The following ZNF496 variants were observed in gnomAD, a reference collection of about 807,000 sequenced individuals.
ZNF496 encodes zinc finger protein 496.
Under a neutral mutation model 58.9 loss-of-function variants are expected in ZNF496, and 11 were observed. That is an observed-to-expected ratio of 0.19 (90% CI 0.12 to 0.31). ZNF496 has a LOEUF of 0.31. Ranked by LOEUF, ZNF496 falls within the 10% of genes least tolerant of loss-of-function variation. ZNF496 has a pLI of 1.00. For missense variants in ZNF496, 660 were observed against 783.0 expected, an observed-to-expected ratio of 0.84 and a Z score of 1.88; for synonymous variants, 338 against 318.2, an observed-to-expected ratio of 1.06 and a Z score of -0.66.
chr1:247,323,007 T>C, intron 6 of ZNF496, 147 bp downstream of exon 6: 1 of 722,890 alleles, frequency 1.4e-6, no homozygotes, highest in Non-Finnish European at 2.3e-6. Context: ...TCTCTTAAGC[T>C]CACGCTCTGC....
chr1:247,307,792 G>C (rs1233645130), intron 9 of ZNF496: 1 of 985,424 alleles, frequency 1.0e-6, no homozygotes, highest in Non-Finnish European at 1.2e-6. Flanking sequence ...GTGGGTTCAG[G>C]TAAGAATCAG....
chr1:247,302,155 A>G (rs1365333315), intron 9 of ZNF496, among the ~76,000 whole-genome samples: 1 of 152,176 alleles, frequency 6.6e-6, no homozygotes, highest in Non-Finnish European at 1.5e-5. Flanking sequence ...ACTCAAATCT[A>G]GAACTTGGGG....
chr1:247,318,978 T>C (rs1268604691), intron 6 of ZNF496, among the ~76,000 whole-genome samples: 1 of 148,798 alleles, frequency 6.7e-6, no homozygotes, highest in East Asian at 2.0e-4. Context: ...AGGTATATTA[T>C]ATTTCTTTCT....
chr1:247,322,674 C>T (rs753475745), intron 6 of ZNF496: 130 of 1,272,654 alleles, frequency 1.0e-4, no homozygotes, highest in Admixed American at 9.3e-5. Flanking sequence ...CGAGAACATT[C>T]GAGGAAATTC....
chr1:247,309,374 A>AT lies in ZNF496; in HGVS notation c.892+324dup, dbSNP rs1235860243. On this transcript the variant is annotated intron_variant, in intron 8 of 9. Coordinates refer to ENST00000682384, the MANE Select transcript of ZNF496 (RefSeq NM_032752.3). This position sits in a 1 kb window ranked among gnomAD's most constrained non-coding sequence, Gnocchi z 4.3. The stretch of plus-strand genomic sequence containing the variant: ...CACTCCCTCTGCAACTAGGCTTGTC[A>AT]TGAGTATCTGACTTCACTCCTGGAG... The AT allele has an allele frequency of 2.6e-6, 3 of 1,149,244 alleles. No homozygotes were observed. Among genetic ancestry groups the AT allele is most frequent in the Non-Finnish European group, 3.2e-6 (3 of 931,310 alleles). The allele number at this position is 1,149,244 out of a possible 1,614,324, so 71.2% of individuals were successfully genotyped here.
intron 6 of ZNF496, among the ~76,000 whole-genome samples, chr1:247,319,636 A>G (rs1011733481): frequency 3.3e-5 from 5 of 152,198 alleles, no homozygotes; most frequent in Admixed American, 6.5e-5. Context: ...AATATATACT[A>G]TCTAGGCCGG....
chr1:247,310,792 C>T (rs565220956), intron 6 of ZNF496: 1 of 221,452 alleles, frequency 4.5e-6, no homozygotes, highest in Admixed American at 5.1e-5. Context: ...CCAAAAGTCT[C>T]CACTTCCTAA....
chr1:247,322,641 C>G, intron 6 of ZNF496: 1 of 1,155,822 alleles, frequency 8.7e-7, no homozygotes, highest in Non-Finnish European at 1.1e-6. Context: ...CCCGAGTAAG[C>G]AAGTCTTACA....
intron 9 of ZNF496, chr1:247,307,664 G>A: frequency 1.0e-6 from 1 of 985,414 alleles, no homozygotes; most frequent in Non-Finnish European, 1.2e-6. Context: ...AGGGGGCCAA[G>A]TACAAGATGC....
intron 6 of ZNF496, chr1:247,311,428 G>GACACACACACACACACAC (rs1282601628): frequency 2.6e-5 from 1 of 38,228 alleles, no homozygotes; most frequent in African/African-American, 6.0e-5. Flanking sequence ...CACACACACA[G>GACACACACACACACACAC]AGACACACAC....
Position 247,329,665 on chromosome 1 carries a change from C to A in ZNF496, c.-37-50G>T. ...CTTCAGTGTTCTGGTCTCCTGTGGT[C>A]ATTTCTGGGGGACAGTGACAAGGAA... On this transcript the variant is annotated intron_variant, in intron 3 of 9. Transcript: ENST00000682384. The surrounding 1 kb of genome is among the most constrained non-coding windows in gnomAD (Gnocchi z 5.5). 6.8e-7 allele frequency: 1 copy of A among 1,478,862 alleles called. No homozygotes were observed. The allele number at this position is 1,478,862 out of a possible 1,614,324, so 91.6% of individuals were successfully genotyped here.
At chr1:247,310,242 G>A in intron 7 of ZNF496, 82 bp downstream of exon 7, 3 of 1,586,058 alleles carry the variant, frequency 1.9e-6, no homozygotes, top group Non-Finnish European at 2.6e-6. Context: ...GATCCTATGG[G>A]ACGAAGTTGA....
chr1:247,323,444 A>G (rs148766305), intron 5 of ZNF496, among the ~76,000 whole-genome samples: 141 of 152,328 alleles, frequency 9.3e-4, no homozygotes, highest in Admixed American at 3.5e-3. Flanking sequence ...CGCACATGAA[A>G]AGTACTCTGT....
chr1:247,316,254 G>C (rs1450268925), intron 6 of ZNF496, among the ~76,000 whole-genome samples: 2 of 144,822 alleles, frequency 1.4e-5, no homozygotes, highest in Non-Finnish European at 3.0e-5. Context: ...CGCAGTGGGG[G>C]TCCCGAGGGA....
In ZNF496 at chr1:247,309,088, G is replaced by C. The variant is rs979587172; in HGVS notation, c.893-500C>G. ...TTCATGCCAGCTCTAGGTCCCAAAG[G>C]GGAAGAAGGTGTGGAGCTGCTGATG... On this transcript the variant is annotated intron_variant, in intron 8 of 9. Coordinates refer to ENST00000682384, the MANE Select transcript of ZNF496 (RefSeq NM_032752.3). This position sits in a 1 kb window ranked among gnomAD's most constrained non-coding sequence, Gnocchi z 4.3. 1 of 170,266 alleles carries C rather than the reference G, an allele frequency of 5.9e-6. No individual in the cohort carries two copies. Among genetic ancestry groups the C allele is most frequent in the Non-Finnish European group, 1.3e-5 (1 of 79,152 alleles). 10.5% of individuals were successfully genotyped at this position (170,266 alleles called of 1,614,324 possible).
At position 247,329,292 on chromosome 1, in the gene ZNF496, C is replaced by A; in HGVS notation, c.287G>T (p.Arg96Leu). The change falls in exon 4 of 10, where the codon CGG (arginine) becomes CTG (leucine). Residue 96 changes from arginine to leucine, a missense_variant. Coordinates refer to ENST00000682384, the MANE Select transcript of ZNF496 (RefSeq NM_032752.3). This position sits in a 1 kb window ranked among gnomAD's most constrained non-coding sequence, Gnocchi z 5.5. ...VLEQFLAILP[R>L]EIQSWVRAQE... ...CGCCCGCACCCAGCTCTGGATCTCC[C>A]GGGGCAGGATGGCCAGGAACTGCTC... is the stretch of plus-strand genomic sequence containing the variant. The A allele has an allele frequency of 6.2e-7, 1 of 1,613,620 alleles. No homozygotes were observed. Among genetic ancestry groups the A allele is most frequent in the Non-Finnish European group, 8.5e-7 (1 of 1,179,976 alleles).
chr1:247,310,596 A>C, intron 6 of ZNF496, 140 bp from the exon 7 acceptor site: 6 of 1,135,484 alleles, frequency 5.3e-6, no homozygotes, highest in Non-Finnish European at 7.4e-6. Flanking sequence ...ACAGTTCTGG[A>C]GGCTGGACGT....
intron 6 of ZNF496, chr1:247,313,135 C>G (rs1252339286): frequency 6.6e-6 from 1 of 152,206 alleles, no homozygotes; most frequent in African/African-American, 2.4e-5. Flanking sequence ...TTTAGAAGGG[C>G]ACTAATCCAT....
intron 9 of ZNF496, 79 bp from the exon 10 acceptor site, chr1:247,301,355 C>G: frequency 6.8e-7 from 1 of 1,464,580 alleles, no homozygotes; most frequent in African/African-American, 1.4e-5. Context: ...GAGGAACACT[C>G]AGCTTGGAGT....
Sources: allele counts gnomAD v4.1 joint callset (sites outside exome capture counted in the v4.1 genomes callset), GRCh38; gene constraint gnomAD v4.1.1; non-coding constraint Gnocchi (gnomAD v3.1); transcripts MANE v1.5; gene names NCBI Gene and HGNC (gene_info 2026-07-23, HGNC 2026-07-21).